The following PSMD14 variants were observed in gnomAD, a reference collection of about 807,000 sequenced individuals.
PSMD14 encodes the protein ubiquitin C-terminal hydrolase PSMD14.
A neutral mutation model predicts 41.2 loss-of-function variants in PSMD14; 7 were observed. That is an observed-to-expected ratio of 0.17 (90% CI 0.10 to 0.32). The LOEUF is 0.32. PSMD14 is among the 10% of genes least tolerant of loss of function. PSMD14 has a pLI of 1.00. For missense variants in PSMD14, 139 were observed against 375.6 expected (o/e 0.37, Z 5.21); for synonymous variants, 114 against 122.3 (o/e 0.93, Z 0.45).
chr2:161,359,692 T>G (rs1683262254), intron 3 of PSMD14, among the ~76,000 whole-genome samples: 1 of 152,114 alleles, frequency 6.6e-6, no homozygotes, highest in Non-Finnish European at 1.5e-5. Flanking sequence ...ACATCTCAAG[T>G]TTTCTTTCCA....
At position 161,332,003 on chromosome 2, in the gene PSMD14, G is replaced by C. The variant is rs183204237; in HGVS notation, c.48+13130G>C. The stretch of plus-strand genomic sequence containing the variant: ...GCCTATTTATATCAACATTTCTTTA[G>C]GTAGATAAAATGAATAGAGTTGTCA... On this transcript the variant is annotated intron_variant, in intron 3 of 11. Transcript: ENST00000409682. 1.1e-3 allele frequency among the ~76,000 whole-genome samples: 160 copies of C among 152,208 alleles called. 2 individuals are homozygous for C. The highest frequency in any genetic ancestry group is 1.6e-3 in the Non-Finnish European group (112 of 68,004).
chr2:161,344,138 G>A (rs912985647), intron 3 of PSMD14, among the ~76,000 whole-genome samples: 3 of 150,964 alleles, frequency 2.0e-5, no homozygotes, highest in Non-Finnish European at 4.4e-5. Flanking sequence ...GCGGTGGGGG[G>A]AGGTCCTGAA....
chr2:161,311,756 A>G (rs1689090109), intron 1 of PSMD14, among the ~76,000 whole-genome samples: 1 of 149,998 alleles, frequency 6.7e-6, no homozygotes, highest in Admixed American at 6.7e-5. Context: ...CTGGGATTAC[A>G]GGTGCCTGCC....
intron 2 of PSMD14, among the ~76,000 whole-genome samples, chr2:161,317,825 C>T (rs1292106678): frequency 6.6e-6 from 1 of 152,038 alleles, no homozygotes; most frequent in African/African-American, 2.4e-5. Flanking sequence ...TGTAATAATA[C>T]CATTTTCTTA....
intron 9 of PSMD14, among the ~76,000 whole-genome samples, chr2:161,392,599 A>C (rs745442741): frequency 2.6e-5 from 4 of 152,120 alleles, no homozygotes; most frequent in African/African-American, 9.7e-5. Context: ...TAAAAGGTCA[A>C]ATCCACTCAT....
chr2:161,362,522 C>T (rs1683304453), intron 3 of PSMD14, among the ~76,000 whole-genome samples: 1 of 152,158 alleles, frequency 6.6e-6, no homozygotes, highest in African/African-American at 2.4e-5. Context: ...ATCTTTTATT[C>T]AAGAAGCTCT....
At chr2:161,379,107 C>G (rs1213752120) in intron 7 of PSMD14, among the ~76,000 whole-genome samples, 1 of 151,918 alleles carries the variant, frequency 6.6e-6, no homozygotes, top group East Asian at 1.9e-4. Flanking sequence ...CTCTAGGGCC[C>G]TTTATTGCTT....
At chr2:161,402,300 G>A (rs1683890840) in intron 10 of PSMD14, among the ~76,000 whole-genome samples, 2 of 152,194 alleles carry the variant, frequency 1.3e-5, no homozygotes, top group African/African-American at 4.8e-5. Context: ...TACAAAGTGG[G>A]AGAACGTTTT....
chr2:161,389,870 ATTTTCTTTCTTTTTTGTTGT>A (rs1184959556), intron 8 of PSMD14, among the ~76,000 whole-genome samples: 1 of 26,316 alleles, frequency 3.8e-5, no homozygotes, highest in Non-Finnish European at 8.8e-5. Context: ...TTTGTGTCTT[ATTTTCTTTCTTTTTTGTTGT>A]TTTTTTTTTT....
intron 10 of PSMD14, among the ~76,000 whole-genome samples, chr2:161,402,642 TAAACAAAACA>T (rs768224815): frequency 6.6e-6 from 1 of 150,598 alleles, no homozygotes; most frequent in Non-Finnish European, 1.5e-5. Flanking sequence ...CTCTGTCTCT[TAAACAAAACA>T]AAACAAAACA....
intron 7 of PSMD14, among the ~76,000 whole-genome samples, chr2:161,374,278 A>G (rs948406148): frequency 6.6e-6 from 1 of 151,980 alleles, no homozygotes; most frequent in African/African-American, 2.4e-5. Context: ...TAAGTTTTCC[A>G]TAGTTTTCTG....
At chr2:161,406,543 A>G (rs887325703) in intron 10 of PSMD14, among the ~76,000 whole-genome samples, 2 of 152,172 alleles carry the variant, frequency 1.3e-5, no homozygotes, top group South Asian at 2.1e-4. Flanking sequence ...CCAGATTAGA[A>G]CTGTGAATGA....
chr2:161,332,224 C>T (rs919994171), intron 3 of PSMD14, among the ~76,000 whole-genome samples: 12 of 152,098 alleles, frequency 7.9e-5, no homozygotes, highest in African/African-American at 2.9e-4. Context: ...ATTTTATTCC[C>T]TATGATAATG....
intron 10 of PSMD14, among the ~76,000 whole-genome samples, chr2:161,396,972 C>T (rs772635853): frequency 2.0e-5 from 3 of 151,930 alleles, no homozygotes; most frequent in Non-Finnish European, 4.4e-5. Context: ...GGATTACAGG[C>T]GCCCGCTGCA....
chr2:161,321,716 C>T (rs1039674587), intron 3 of PSMD14, among the ~76,000 whole-genome samples: 1 of 152,212 alleles, frequency 6.6e-6, no homozygotes, highest in Non-Finnish European at 1.5e-5. Context: ...CAAGAAAGTG[C>T]TGTGCTTATT....
chr2:161,396,271 C>T (rs527973360), intron 10 of PSMD14, among the ~76,000 whole-genome samples: 39 of 152,290 alleles, frequency 2.6e-4, no homozygotes, highest in Non-Finnish European at 4.6e-4. Flanking sequence ...GCAATCCCAC[C>T]ACTGGTTGCA....
intron 3 of PSMD14, among the ~76,000 whole-genome samples, chr2:161,354,784 C>G (rs1363799805): frequency 6.6e-6 from 1 of 152,220 alleles, no homozygotes; most frequent in African/African-American, 2.4e-5. Context: ...GCATTGTGCA[C>G]TGGGCTGCCA....
chr2:161,410,887 T>C (rs1288970561), intron 11 of PSMD14, among the ~76,000 whole-genome samples: 1 of 152,108 alleles, frequency 6.6e-6, no homozygotes, highest in Non-Finnish European at 1.5e-5. Flanking sequence ...ACTCTTACCC[T>C]TTGGTATGTC....
chr2:161,318,039 G>A (rs1439624316), intron 2 of PSMD14, among the ~76,000 whole-genome samples: 1 of 152,122 alleles, frequency 6.6e-6, no homozygotes, highest in African/African-American at 2.4e-5. Flanking sequence ...GCTTGTAAGA[G>A]TATCTTCTGT....
Sources: gnomAD v4.1 joint callset for allele counts (sites outside exome capture counted in the v4.1 genomes callset) on GRCh38, gnomAD v4.1.1 for gene constraint, MANE v1.5 for transcripts, NCBI Gene and HGNC (gene_info 2026-07-23, HGNC 2026-07-21) for gene names.